The following PRKN variants were observed in gnomAD, a reference collection of about 807,000 sequenced individuals.
PRKN encodes parkin RBR E3 ubiquitin protein ligase, also known as E3 ubiquitin-protein ligase parkin.
Under a neutral mutation model 59.5 loss-of-function variants are expected in PRKN, and 56 were observed. That is an observed-to-expected ratio of 0.94 (90% CI 0.76 to 1.18). The LOEUF is 1.18. PRKN is among the 50% of genes most tolerant of loss of function. The pLI is 0.00. For missense variants in PRKN, 657 were observed against 596.4 expected, an observed-to-expected ratio of 1.10 and a Z score of -1.06; for synonymous variants, 250 against 222.1, an observed-to-expected ratio of 1.13 and a Z score of -1.12.
chr6:161,974,251 G>C (rs541611492), intron 5 of PRKN, among the ~76,000 whole-genome samples: 1 of 152,270 alleles, frequency 6.6e-6, no homozygotes, highest in Non-Finnish European at 1.5e-5. Flanking sequence ...CTAAATTCCA[G>C]CCGAGAGTTT....
intron 8 of PRKN, among the ~76,000 whole-genome samples, chr6:161,565,845 C>T (rs1428984673): frequency 4.6e-5 from 7 of 152,124 alleles, no homozygotes; most frequent in Non-Finnish European, 1.0e-4. Context: ...CCAGCAGAGA[C>T]CCTACGCAAG....
intron 1 of PRKN, among the ~76,000 whole-genome samples, chr6:162,499,205 T>G (rs1426513313): frequency 1.3e-5 from 2 of 152,108 alleles, no homozygotes; most frequent in African/African-American, 4.8e-5. Context: ...ACACCCTCCA[T>G]GCCTCTGTAA....
chr6:162,718,344 T>A (rs1355620299), intron 1 of PRKN, among the ~76,000 whole-genome samples: 1 of 152,150 alleles, frequency 6.6e-6, no homozygotes, highest in Non-Finnish European at 1.5e-5. Flanking sequence ...TTTAATGAAT[T>A]TACACACTAA....
At chr6:162,376,677 C>T (rs905936036) in intron 2 of PRKN, among the ~76,000 whole-genome samples, 1 of 147,898 alleles carries the variant, frequency 6.8e-6, no homozygotes, top group South Asian at 2.2e-4. Flanking sequence ...CAAAGTAGTG[C>T]CGAAACCAAG....
chr6:162,399,861 T>A (rs561926091), intron 2 of PRKN, among the ~76,000 whole-genome samples: 1 of 150,906 alleles, frequency 6.6e-6, no homozygotes, highest in Non-Finnish European at 1.5e-5. Context: ...AGGAAAAAGA[T>A]AGAAAAAAGA....
At chr6:162,273,709 T>C (rs1780489160) in intron 2 of PRKN, among the ~76,000 whole-genome samples, 1 of 152,172 alleles carries the variant, frequency 6.6e-6, no homozygotes, top group Admixed American at 6.5e-5. Flanking sequence ...TATGAATTTT[T>C]AAAAAATCCA....
intron 7 of PRKN, among the ~76,000 whole-genome samples, chr6:161,654,098 C>G (rs1784250646): frequency 1.3e-5 from 2 of 152,054 alleles, no homozygotes; most frequent in South Asian, 2.1e-4. Context: ...TCCTGAGTAG[C>G]TAGGAGCGCA....
chr6:162,569,598 C>T (rs776681397), intron 1 of PRKN: 1 of 715,716 alleles, frequency 1.4e-6, no homozygotes, highest in Non-Finnish European at 2.6e-6. Flanking sequence ...GGCCTGGGCT[C>T]CAGCTTTGGC....
At chr6:162,654,429 C>A (rs1409095820) in intron 1 of PRKN, among the ~76,000 whole-genome samples, 1 of 152,162 alleles carries the variant, frequency 6.6e-6, no homozygotes, top group African/African-American at 2.4e-5. Flanking sequence ...ACCCATGTTA[C>A]CTGCCTGAGG....
chr6:161,621,954 T>C (rs144813997), intron 7 of PRKN, among the ~76,000 whole-genome samples: 242 of 152,312 alleles, frequency 1.6e-3, no homozygotes, highest in Non-Finnish European at 2.5e-3. Flanking sequence ...GATCTCACCT[T>C]CCGCTTAAGC....
chr6:162,065,633 C>T (rs563052727), intron 4 of PRKN, among the ~76,000 whole-genome samples: 2 of 151,960 alleles, frequency 1.3e-5, no homozygotes, highest in Admixed American at 1.3e-4. Context: ...AGGTTTGTTA[C>T]ATATGCATAC....
chr6:162,202,384 C>T (rs1189690258), intron 3 of PRKN, among the ~76,000 whole-genome samples: 1 of 152,246 alleles, frequency 6.6e-6, no homozygotes, highest in Non-Finnish European at 1.5e-5. Context: ...AGCTATCTTT[C>T]CTAATACTGT....
chr6:162,340,987 A>T (rs566379680), intron 2 of PRKN, among the ~76,000 whole-genome samples: 2 of 152,238 alleles, frequency 1.3e-5, no homozygotes, highest in South Asian at 4.2e-4. Flanking sequence ...AGGCAACCTA[A>T]AGAATGGGAG....
rs1792350566 is a variant in PRKN, at chr6:162,482,387, TC to T, written c.8-38915del. 5.3e-5 allele frequency among the ~76,000 whole-genome samples: 8 copies of T among 152,196 alleles called. No homozygotes were observed. The South Asian group carries it at 1.5e-3, about 28-fold the overall frequency. ...CACAAGCAAGTGCACTTGAAGAAAT[TC>T]CAGTTGAAGGCATACAAGAACCTCC... On this transcript the variant is annotated intron_variant, in intron 1 of 11. Transcript: ENST00000366898.
At chr6:161,618,162 T>G (rs1342831362) in intron 7 of PRKN, among the ~76,000 whole-genome samples, 1 of 152,262 alleles carries the variant, frequency 6.6e-6, no homozygotes, top group East Asian at 1.9e-4. Flanking sequence ...ATATATTTTT[T>G]TCCTATCGTA....
intron 2 of PRKN, among the ~76,000 whole-genome samples, chr6:162,360,053 C>T (rs1317314328): frequency 7.2e-5 from 11 of 151,780 alleles, no homozygotes; most frequent in African/African-American, 1.7e-4. Flanking sequence ...TACTAAAATA[C>T]GGCAAAATAT....
intron 7 of PRKN, among the ~76,000 whole-genome samples, chr6:161,706,983 A>C (rs1031998550): frequency 6.6e-6 from 1 of 152,248 alleles, no homozygotes. Flanking sequence ...AGCGATATCG[A>C]AAAACTTTAT....
intron 1 of PRKN, among the ~76,000 whole-genome samples, chr6:162,645,818 G>C (rs1171050017): frequency 1.3e-5 from 2 of 148,210 alleles, no homozygotes; most frequent in East Asian, 2.0e-4. Flanking sequence ...GTCATTTCCA[G>C]AATGAAAGGA....
At chr6:161,687,611 C>T (rs1244529351) in intron 7 of PRKN, among the ~76,000 whole-genome samples, 1 of 150,802 alleles carries the variant, frequency 6.6e-6, no homozygotes, top group Non-Finnish European at 1.5e-5. Context: ...CGCGAACCAC[C>T]ACGCCCGGCT....
Sources: gnomAD v4.1 joint callset for allele counts (sites outside exome capture counted in the v4.1 genomes callset) on GRCh38, gnomAD v4.1.1 for gene constraint, MANE v1.5 for transcripts, NCBI Gene and HGNC (gene_info 2026-07-23, HGNC 2026-07-21) for gene names.